Variants in MAP3K7 observed in about 807,000 individuals in gnomAD.
MAP3K7 encodes mitogen-activated protein kinase kinase kinase 7, also known as TGF-beta activated kinase 1.
Under a neutral mutation model 84.8 loss-of-function variants are expected in MAP3K7, and 21 were observed. That is an observed-to-expected ratio of 0.25 (90% CI 0.18 to 0.36). MAP3K7 has a LOEUF of 0.36. Ranked by LOEUF, MAP3K7 falls within the 10% of genes least tolerant of loss-of-function variation. The pLI, the probability that MAP3K7 is intolerant of heterozygous loss-of-function variation, is 1.00. For missense variants in MAP3K7, 503 were observed against 747.7 expected (o/e 0.67, Z 3.82); for synonymous variants, 241 against 247.7 (o/e 0.97, Z 0.25).
chr6:90,513,899 T>A lies in MAP3K7; in HGVS notation c.*2602A>T, dbSNP rs1029089459. 1 of 152,068 alleles carries A rather than the reference T, an allele frequency of 6.6e-6. No homozygotes were observed. Among genetic ancestry groups the A allele is most frequent in the African/African-American group, 2.4e-5 (1 of 41,434 alleles). The allele number at this position is 152,068 out of a possible 1,614,324, so 9.4% of individuals were successfully genotyped here. A position where few individuals can be genotyped will look rare whatever the true frequency, so the allele number is the denominator to read the frequency against. ...ATACTTCAGCAAAAATAGTCAAACA[T>A]CCGTAAACAACTTGTAACAAATCTT... On this transcript the variant is annotated 3_prime_UTR_variant, in exon 17 of 17. Coordinates refer to ENST00000369329, the MANE Select transcript of MAP3K7 (RefSeq NM_145331.3).
At chr6:90,577,648 G>T (rs374960728) in intron 1 of MAP3K7, among the ~76,000 whole-genome samples, 1 of 152,192 alleles carries the variant, frequency 6.6e-6, no homozygotes, top group South Asian at 2.1e-4. Context: ...AGAAAAAGAC[G>T]TTCCAGAAGG....
chr6:90,560,197 G>A lies in MAP3K7; in HGVS notation c.361C>T (p.Pro121Ser). 6.2e-7 allele frequency: 1 copy of A among 1,614,200 alleles called. No individual in the cohort carries two copies. Among genetic ancestry groups the A allele is most frequent in the Non-Finnish European group, 8.5e-7 (1 of 1,180,040 alleles). The change falls in exon 5 of 17, where the codon CCA (proline) becomes TCA (serine). Residue 121 changes from proline to serine, a missense_variant. This residue lies in a region of MAP3K7 where 97 missense variants were observed against 270.8 expected (regional missense o/e 0.36). Transcript: ENST00000369329. ...SLYNVLHGAEPLPYYTAAHAM... is the reference protein window; with the variant it reads ...SLYNVLHGAESLPYYTAAHAM... ...TGGGCAGCAGTATAATATGGCAATGGTTCAGCACCATGCAGCACTGCGAAA... is the reference window on the plus strand; with the variant it reads ...TGGGCAGCAGTATAATATGGCAATGATTCAGCACCATGCAGCACTGCGAAA...
In MAP3K7 at chr6:90,560,340, C is replaced by T. The variant is rs16883144; in HGVS notation, c.344-126G>A. On this transcript the variant is annotated intron_variant, in intron 4 of 16. Transcript: ENST00000369329. ...TACATATACATATGCTCCATCAGTC[C>T]TGCTTTTAATTTTTTACTTTCTTTT... 3.6e-3 allele frequency: 3,410 copies of T among 939,394 alleles called. 97 individuals are homozygous for T. In the African/African-American group the frequency reaches 0.052, roughly 14 times the overall value. 58.2% of individuals were successfully genotyped at this position (939,394 alleles called of 1,614,324 possible).
At chr6:90,583,676 AG>A (rs1431944357) in intron 1 of MAP3K7, among the ~76,000 whole-genome samples, 2 of 152,264 alleles carry the variant, frequency 1.3e-5, no homozygotes, top group African/African-American at 2.4e-5. Context: ...CCACAGGCCC[AG>A]AAAAATGTGG....
intron 1 of MAP3K7, among the ~76,000 whole-genome samples, chr6:90,581,324 C>A (rs1243013445): frequency 6.6e-6 from 1 of 152,248 alleles, no homozygotes; most frequent in South Asian, 2.1e-4. Context: ...TGGCCCTGTT[C>A]TATGAACTAT....
intron 14 of MAP3K7, among the ~76,000 whole-genome samples, chr6:90,520,015 T>TAA (rs1303690346): frequency 6.6e-6 from 1 of 152,082 alleles, no homozygotes; most frequent in African/African-American, 2.4e-5. Flanking sequence ...TTGAATAGAA[T>TAA]GCTTTTGTTT....
At position 90,568,385 on chromosome 6, in the gene MAP3K7, G is replaced by T. The variant is rs539051364; in HGVS notation, c.297+173C>A. ...GTACTCATATAGTCCTTGAACTATTGGGATCACTGCTGATATTTTAAAGTA... is the reference window on the plus strand; with the variant it reads ...GTACTCATATAGTCCTTGAACTATTTGGATCACTGCTGATATTTTAAAGTA... On this transcript the variant is annotated intron_variant, in intron 3 of 16. Transcript: ENST00000369329. Among the ~76,000 whole-genome samples the T allele has an allele frequency of 1.1e-4, 17 of 151,958 alleles. No homozygotes were observed. In the South Asian group the frequency reaches 3.5e-3, roughly 32 times the overall value.
At chr6:90,546,942 G>C (rs157681) in intron 11 of MAP3K7, among the ~76,000 whole-genome samples, 10,702 of 151,680 alleles carry the variant, frequency 0.071, 1,305 homozygotes, top group African/African-American at 0.24. Flanking sequence ...AAAATATTCT[G>C]GTTTTGGCAG....
chr6:90,570,747 T>C (rs1015656260), intron 2 of MAP3K7, among the ~76,000 whole-genome samples: 8 of 152,190 alleles, frequency 5.3e-5, no homozygotes, highest in African/African-American at 1.9e-4. Flanking sequence ...ATTCCTAATG[T>C]TTAACACATA....
At chr6:90,552,224 A>T in intron 7 of MAP3K7, 45 bp from the exon 8 acceptor site, 1 of 1,553,924 alleles carries the variant, frequency 6.4e-7, no homozygotes, top group Non-Finnish European at 8.8e-7. Flanking sequence ...GTATTTACCC[A>T]AAGAATGATG....
At chr6:90,555,449 G>A (rs1174263749) in intron 6 of MAP3K7, among the ~76,000 whole-genome samples, 1 of 152,046 alleles carries the variant, frequency 6.6e-6, no homozygotes, top group Non-Finnish European at 1.5e-5. Context: ...TAGAGATGGG[G>A]TTTCACCGTG....
At chr6:90,519,085 TTTGA>T (rs1379412656) in intron 15 of MAP3K7, among the ~76,000 whole-genome samples, 169 bp downstream of exon 15, 1 of 151,890 alleles carries the variant, frequency 6.6e-6, no homozygotes, top group Admixed American at 6.6e-5. Context: ...CAATTTAAAG[TTTGA>T]TTAACTTAAC....
intron 5 of MAP3K7, among the ~76,000 whole-genome samples, chr6:90,557,556 T>C (rs962925548): frequency 1.3e-5 from 2 of 152,226 alleles, no homozygotes; most frequent in Non-Finnish European, 2.9e-5. Flanking sequence ...TACCTCTATA[T>C]GTACTTCAAC....
intron 16 of MAP3K7, among the ~76,000 whole-genome samples, chr6:90,517,997 A>T (rs1158198514): frequency 6.6e-6 from 1 of 151,800 alleles, no homozygotes; most frequent in Non-Finnish European, 1.5e-5. Context: ...TTCTTTAAAA[A>T]GGGAGGAAGG....
intron 1 of MAP3K7, among the ~76,000 whole-genome samples, chr6:90,577,208 G>C (rs1777112775): frequency 6.6e-6 from 1 of 152,200 alleles, no homozygotes; most frequent in Non-Finnish European, 1.5e-5. Flanking sequence ...ATCCAGGCAG[G>C]ACAGGTGTAG....
At chr6:90,556,390 T>A (rs2127976747) in intron 6 of MAP3K7, 110 bp downstream of exon 6, 1 of 1,129,722 alleles carries the variant, frequency 8.9e-7, no homozygotes, top group East Asian at 2.5e-5. Flanking sequence ...TTGTATACTT[T>A]ATGTATTATG....
intron 5 of MAP3K7, 53 bp downstream of exon 5, chr6:90,560,023 G>C: frequency 1.2e-6 from 2 of 1,606,266 alleles, no homozygotes; most frequent in South Asian, 1.1e-5. Context: ...GGGGTGGTGA[G>C]AGTGAGAGAG....
intron 16 of MAP3K7, 66 bp from the exon 17 acceptor site, chr6:90,516,747 G>A: frequency 1.6e-6 from 2 of 1,273,396 alleles, no homozygotes; most frequent in Non-Finnish European, 1.1e-6. Context: ...GCTGATGATG[G>A]AAGCTCAATT....
At chr6:90,568,509 T>C in intron 3 of MAP3K7, 49 bp downstream of exon 3, 2 of 1,471,268 alleles carry the variant, frequency 1.4e-6, no homozygotes, top group South Asian at 2.5e-5. Context: ...CACACACACA[T>C]CTGCCATGTC....
Sources: gnomAD v4.1 joint callset for allele counts (sites outside exome capture counted in the v4.1 genomes callset) on GRCh38, gnomAD v4.1.1 for gene constraint, gnomAD v4.1.1 regional missense constraint, MANE v1.5 for transcripts, NCBI Gene and HGNC (gene_info 2026-07-23, HGNC 2026-07-21) for gene names.